Variants in RNF213 observed in about 807,000 individuals in gnomAD.
The protein encoded by RNF213 is E3 ubiquitin-protein ligase RNF213.
Under a neutral mutation model 514.4 loss-of-function variants are expected in RNF213, and 341 were observed. The observed-to-expected ratio is 0.66, with a 90% CI of 0.61 to 0.73. The LOEUF is 0.73. Among genes scored for constraint, RNF213 ranks in the 30% least tolerant of loss-of-function variants. RNF213 has a pLI of 0.00. For synonymous variants in RNF213, 2,655 were observed against 2,658.2 expected, an observed-to-expected ratio of 1.00 and a Z score of 0.04; for missense variants, 5,767 against 6,615.6, an observed-to-expected ratio of 0.87 and a Z score of 4.45.
At position 80,394,362 on chromosome 17, in the gene RNF213, G is replaced by C. The variant is rs559008424; in HGVS notation, c.*864G>C. ...AAACATGCAGTCTCAGTGTGCTCTC[G>C]CATGTATGAATATCTAGTCCTTTCT... On this transcript the variant is annotated 3_prime_UTR_variant, in exon 68 of 68. Transcript: ENST00000582970. The C allele has an allele frequency of 6.6e-6, 1 of 152,168 alleles. No homozygotes were observed. The highest frequency in any genetic ancestry group is 2.4e-5 in the African/African-American group (1 of 41,440). The allele number at this position is 152,168 out of a possible 1,614,324, so 9.4% of individuals were successfully genotyped here.
intron 14 of RNF213, among the ~76,000 whole-genome samples, chr17:80,310,555 ATT>A (rs764917009): frequency 2.4e-5 from 3 of 122,778 alleles, no homozygotes; most frequent in Non-Finnish European, 1.7e-5. Context: ...ACCCAGCACA[ATT>A]TTTTTTTTTT....
rs1302502714 is a variant in RNF213 at position 80,343,654 on chromosome 17, T to TC, written c.6184-202dup. Among the ~76,000 whole-genome samples the TC allele has an allele frequency of 1.6e-4, 24 of 152,188 alleles. No individual in the cohort carries two copies. The highest frequency in any genetic ancestry group is 5.5e-4 in the African/African-American group (23 of 41,460). On this transcript the variant is annotated intron_variant, in intron 27 of 67. Transcript: ENST00000582970. The surrounding 1 kb of genome is among the most constrained non-coding windows in gnomAD (Gnocchi z 4.3). ...AATTGTAAAACGGTGTATTTATGTG[T>TC]CTAAACATAAAAATGGTACAGGGAA... is the stretch of plus-strand genomic sequence containing the variant.
chr17:80,290,512 C>T (rs1054210303), intron 6 of RNF213, 58 bp from the exon 7 acceptor site: 4 of 1,607,808 alleles, frequency 2.5e-6, no homozygotes, highest in Non-Finnish European at 3.4e-6. Context: ...TGTGTGCATG[C>T]ACATGGCAGG....
rs775359123 is a variant in RNF213 at position 80,376,357 on chromosome 17, T to C, written c.13242T>C (p.Asp4414=). Residue 4414 remains aspartate (D), a synonymous_variant, in exon 52 of 68, where the codon GAT becomes GAC. Coordinates refer to ENST00000582970, the MANE Select transcript of RNF213 (RefSeq NM_001256071.3). ...AATGCAAGATCCTTTCACCTCCTGA[T>C]ATCAGCCGTTTTGCAACATCGCTCG... The part of the protein sequence containing the change: ...IGECKILSPP[D]ISRFATSLVD... 2 of 1,614,230 alleles carry C rather than the reference T, an allele frequency of 1.2e-6. No individual in the cohort carries two copies. Among genetic ancestry groups the C allele is most frequent in the Non-Finnish European group, 1.7e-6 (2 of 1,180,028 alleles).
At position 80,361,863 on chromosome 17, in the gene RNF213, G is replaced by T; in HGVS notation, c.11330G>T (p.Arg3777Leu). The T allele has an allele frequency of 6.2e-7, 1 of 1,613,422 alleles. No individual in the cohort carries two copies. The change falls in exon 39 of 68, where the codon CGT becomes CTT. Residue 3777 changes from arginine to leucine, a missense_variant. By Grantham distance (102) the Arg-to-Leu change is moderately radical. Coordinates refer to ENST00000582970, the MANE Select transcript of RNF213 (RefSeq NM_001256071.3). Reference protein sequence around the residue: ...YLKDFILLTMRVSTEEELKFL... With the variant: ...YLKDFILLTMLVSTEEELKFL... ...AAGGATTTCATTCTCTTGACCATGC[G>T]TGTGTCAACGGAGGAGGAATTAAAG...
chr17:80,290,499 G>GCA (rs2044679817), intron 6 of RNF213, 71 bp from the exon 7 acceptor site: 13 of 1,575,868 alleles, frequency 8.2e-6, no homozygotes, highest in Admixed American at 1.7e-5. Flanking sequence ...GTGTGTGTGC[G>GCA]CGTGTGTGCA....
chr17:80,353,143 A>C lies in RNF213; in HGVS notation c.10423+84A>C, dbSNP rs1029476800. 1.7e-5 allele frequency: 26 copies of C among 1,562,804 alleles called. No individual in the cohort carries two copies. The highest frequency in any genetic ancestry group is 4.0e-5 in the African/African-American group (3 of 74,240). The stretch of plus-strand genomic sequence containing the variant: ...TGGAGCGTGGCGTGCACATGGCACT[A>C]GGAGCAGGGCCACCGTGTTTCGTCC... On this transcript the variant is annotated intron_variant, in intron 33 of 67. Coordinates refer to ENST00000582970, the MANE Select transcript of RNF213 (RefSeq NM_001256071.3). The surrounding 1 kb of genome is among the most constrained non-coding windows in gnomAD (Gnocchi z 5.0).
At position 80,347,861 on chromosome 17, in the gene RNF213, A is replaced by G; in HGVS notation, c.9526A>G (p.Ile3176Val). The G allele has an allele frequency of 6.2e-7, 1 of 1,614,260 alleles. No individual in the cohort carries two copies. Among genetic ancestry groups the G allele is most frequent in the Non-Finnish European group, 8.5e-7 (1 of 1,180,048 alleles). Residue 3176 changes from isoleucine to valine, a missense_variant, in exon 29 of 68, where the codon ATC (isoleucine) becomes GTC (valine). Ile to Val is a conservative substitution (Grantham distance 29). This residue lies in a region of RNF213 where 919 missense variants were observed against 1,121.0 expected (regional missense o/e 0.82). Transcript: ENST00000582970. The surrounding 1 kb of genome is among the most constrained non-coding windows in gnomAD (Gnocchi z 7.2). ...CCGGCTGGAGAAGCACTATCTGGAT[A>G]TCAACACGGTGCTGGAGAAATGGCA... Reference protein sequence around the residue: ...INRLEKHYLDINTVLEKWQKS... With the variant: ...INRLEKHYLDVNTVLEKWQKS...
chr17:80,276,801 C>A (rs2044074953), intron 3 of RNF213, among the ~76,000 whole-genome samples: 1 of 152,070 alleles, frequency 6.6e-6, no homozygotes, highest in Non-Finnish European at 1.5e-5. Context: ...ACCTGTCATC[C>A]CAGCACTTTG....
At chr17:80,386,542 C>T (rs754690757) in intron 62 of RNF213, 112 bp downstream of exon 62, 47 of 1,410,508 alleles carry the variant, frequency 3.3e-5, no homozygotes, top group Middle Eastern at 4.3e-4. Context: ...CTCACTCCTT[C>T]AGCCGCCCCC....
At chr17:80,360,265 G>A in intron 38 of RNF213, 59 bp downstream of exon 38, 2 of 1,570,294 alleles carry the variant, frequency 1.3e-6, no homozygotes, top group Non-Finnish European at 1.7e-6. Context: ...GGGATTGCCT[G>A]ACAGTGAAAA....
Position 80,396,195 on chromosome 17 carries a change from G to C in RNF213, c.*2697G>C, listed in dbSNP as rs1381532928. On this transcript the variant is annotated 3_prime_UTR_variant, in exon 68 of 68. Transcript: ENST00000582970. Reference sequence around the variant, plus strand: ...GAGGATTGCTTGAGCCTGGGAGTTTGAGGCTGCAGTGAGCTATGATTGCAC... The same window carrying C: ...GAGGATTGCTTGAGCCTGGGAGTTTCAGGCTGCAGTGAGCTATGATTGCAC... 1 of 152,236 alleles carries C rather than the reference G, an allele frequency of 6.6e-6. No homozygotes were observed. Among genetic ancestry groups the C allele is most frequent in the Non-Finnish European group, 1.5e-5 (1 of 68,102 alleles). 9.4% of individuals were successfully genotyped at this position (152,236 alleles called of 1,614,324 possible).
At chr17:80,304,564 T>G (rs1376757050) in intron 11 of RNF213, among the ~76,000 whole-genome samples, 1 of 151,860 alleles carries the variant, frequency 6.6e-6, no homozygotes, top group Non-Finnish European at 1.5e-5. Context: ...GGCGTGAGCC[T>G]GGTAGGCAGA....
chr17:80,316,104 T>A (rs1314089744), intron 15 of RNF213: 1 of 152,114 alleles, frequency 6.6e-6, no homozygotes, highest in East Asian at 1.9e-4. Flanking sequence ...TTTTCATTTT[T>A]GGCTGGGCAC....
intron 3 of RNF213, among the ~76,000 whole-genome samples, chr17:80,278,354 C>A (rs1356199586): frequency 3.3e-5 from 5 of 152,208 alleles, no homozygotes; most frequent in African/African-American, 1.2e-4. Flanking sequence ...CTGGGGTGCC[C>A]GGGCCTGCCT....
At chr17:80,278,091 T>G (rs946560489) in intron 3 of RNF213, among the ~76,000 whole-genome samples, 2 of 152,212 alleles carry the variant, frequency 1.3e-5, no homozygotes, top group Non-Finnish European at 2.9e-5. Context: ...GCTTGGCTGC[T>G]GGGTTGTACT....
chr17:80,262,897 G>A (rs2043473857), intron 1 of RNF213, among the ~76,000 whole-genome samples: 1 of 152,208 alleles, frequency 6.6e-6, no homozygotes. Flanking sequence ...TCCAGCCACT[G>A]CCCCAGTGGA....
chr17:80,335,744 G>C (rs2077969773), intron 22 of RNF213, among the ~76,000 whole-genome samples: 1 of 152,146 alleles, frequency 6.6e-6, no homozygotes, highest in Non-Finnish European at 1.5e-5. Flanking sequence ...GGGAGGCCAA[G>C]TCGTGTGGAT....
intron 17 of RNF213, among the ~76,000 whole-genome samples, chr17:80,324,674 A>C (rs2143891589): frequency 6.6e-6 from 1 of 152,322 alleles, no homozygotes; most frequent in East Asian, 1.9e-4. Context: ...TAGGAACATA[A>C]AATATATGCT....
Sources: allele counts gnomAD v4.1 joint callset (sites outside exome capture counted in the v4.1 genomes callset), GRCh38; gene constraint gnomAD v4.1.1; regional missense constraint gnomAD v4.1.1; non-coding constraint Gnocchi (gnomAD v3.1); transcripts MANE v1.5; gene names NCBI Gene and HGNC (gene_info 2026-07-23, HGNC 2026-07-21).